STK3: variants seen among roughly 807,000 people sequenced by gnomAD.
The protein encoded by STK3 is serine/threonine-protein kinase 3.
STK3 carries 41 observed loss-of-function variants against 58.0 expected under a neutral mutation model. That is an observed-to-expected ratio of 0.71 (90% CI 0.55 to 0.92). STK3 has a LOEUF of 0.92. Ranked by LOEUF, STK3 falls within the 40% of genes least tolerant of loss-of-function variation. STK3 has a pLI of 0.00. For missense variants in STK3, 479 were observed against 602.7 expected, an observed-to-expected ratio of 0.79 and a Z score of 2.15; for synonymous variants, 170 against 191.0, an observed-to-expected ratio of 0.89 and a Z score of 0.91.
chr8:98,505,257 T>C (rs1410573304), intron 10 of STK3, among the ~76,000 whole-genome samples: 1 of 152,212 alleles, frequency 6.6e-6, no homozygotes, highest in Non-Finnish European at 1.5e-5. Context: ...ATTTAAGGTC[T>C]TCTCTACATG....
chr8:98,589,460 G>C (rs182506555), intron 7 of STK3, among the ~76,000 whole-genome samples: 1 of 152,352 alleles, frequency 6.6e-6, no homozygotes, highest in African/African-American at 2.4e-5. Flanking sequence ...CCCCTTCTCA[G>C]ATCTCCAGCT....
chr8:98,891,838 T>G (rs528637733), intron 1 of STK3, among the ~76,000 whole-genome samples: 3 of 152,056 alleles, frequency 2.0e-5, no homozygotes, highest in African/African-American at 7.2e-5. Context: ...TGGACTCAAG[T>G]CATCATCTAT....
chr8:98,746,149 C>T (rs1829626585), intron 4 of STK3, among the ~76,000 whole-genome samples: 1 of 152,100 alleles, frequency 6.6e-6, no homozygotes, highest in Non-Finnish European at 1.5e-5. Flanking sequence ...ATCTCTAACC[C>T]CAATTGAATT....
chr8:98,825,553 C>T lies in STK3; in HGVS notation c.-13G>A. The stretch of plus-strand genomic sequence containing the variant: ...GCGGCTGCTCCATGGCGGCCGGGGA[C>T]AGAGAGAGGGACCTGGTGGACGGCG... On this transcript the variant is annotated 5_prime_UTR_variant, in exon 1 of 11. Coordinates refer to ENST00000419617, the MANE Select transcript of STK3 (RefSeq NM_006281.4). The T allele has an allele frequency of 2.1e-6, 3 of 1,455,718 alleles. No individual in the cohort carries two copies. The highest frequency in any genetic ancestry group is 3.1e-5 in the East Asian group (1 of 32,074). 90.2% of individuals were successfully genotyped at this position (1,455,718 alleles called of 1,614,324 possible). A position where few individuals can be genotyped will look rare whatever the true frequency, so the allele number is the denominator to read the frequency against.
chr8:98,751,724 G>A (rs986253448), intron 3 of STK3, among the ~76,000 whole-genome samples: 9 of 152,182 alleles, frequency 5.9e-5, no homozygotes, highest in African/African-American at 1.4e-4. Flanking sequence ...AGGATCACTT[G>A]AGGTCAGGAG....
upstream of STK3, chr8:98,391,374 C>T (rs1005134309): frequency 2.0e-5 from 3 of 152,056 alleles, no homozygotes; most frequent in Non-Finnish European, 4.4e-5. Context: ...TAGTGTTTCT[C>T]TGCTGTTGGG....
intron 1 of STK3, among the ~76,000 whole-genome samples, chr8:98,792,007 A>G (rs1253346058): frequency 6.6e-6 from 1 of 152,264 alleles, no homozygotes; most frequent in African/African-American, 2.4e-5. Context: ...AAGAACGGTC[A>G]GCAGAGTAAA....
At chr8:98,517,361 C>G (rs369983348) in intron 10 of STK3, among the ~76,000 whole-genome samples, 1 of 151,944 alleles carries the variant, frequency 6.6e-6, no homozygotes, top group African/African-American at 2.4e-5. Flanking sequence ...CTAATGAGGG[C>G]TTTCTATTTT....
intron 3 of STK3, among the ~76,000 whole-genome samples, chr8:98,831,433 T>C (rs1190254912): frequency 6.6e-6 from 1 of 152,090 alleles, no homozygotes; most frequent in Non-Finnish European, 1.5e-5. Flanking sequence ...TACTTTTGAG[T>C]TTTGTAGAAA....
intron 10 of STK3, among the ~76,000 whole-genome samples, chr8:98,523,500 A>G (rs1354995136): frequency 6.7e-6 from 1 of 150,174 alleles, no homozygotes; most frequent in African/African-American, 2.5e-5. Flanking sequence ...TCAGCCTCCC[A>G]AGTAGCTGGA....
chr8:98,650,930 G>C (rs1278250776), intron 6 of STK3, among the ~76,000 whole-genome samples: 1 of 152,222 alleles, frequency 6.6e-6, no homozygotes, highest in Non-Finnish European at 1.5e-5. Context: ...CAAACAAAAA[G>C]ACAGCAGTAA....
chr8:98,624,573 C>T (rs896654916), intron 6 of STK3, among the ~76,000 whole-genome samples: 1 of 151,994 alleles, frequency 6.6e-6, no homozygotes, highest in African/African-American at 2.4e-5. Flanking sequence ...GTGGTTCAGC[C>T]GGGTGCGGTA....
chr8:98,654,850 C>G (rs11779885), intron 6 of STK3, among the ~76,000 whole-genome samples: 50,960 of 151,554 alleles, frequency 0.34, 8,867 homozygotes, highest in Admixed American at 0.44. Context: ...CAAACAAATG[C>G]AAGAACATTC....
intron 6 of STK3, among the ~76,000 whole-genome samples, chr8:98,653,991 G>A (rs1821227451): frequency 6.6e-6 from 1 of 152,196 alleles, no homozygotes; most frequent in South Asian, 2.1e-4. Flanking sequence ...TATGAGGCCA[G>A]CATCATCCTG....
intron 3 of STK3, among the ~76,000 whole-genome samples, chr8:98,417,649 C>A (rs1818130156): frequency 6.6e-6 from 1 of 152,174 alleles, no homozygotes; most frequent in Admixed American, 6.5e-5. Flanking sequence ...CCTGTTTCCC[C>A]CTCAGATCAT....
intron 1 of STK3, among the ~76,000 whole-genome samples, chr8:98,939,847 G>A (rs1229304849): frequency 6.6e-6 from 1 of 152,236 alleles, no homozygotes; most frequent in African/African-American, 2.4e-5. Context: ...GGCGGTTGGG[G>A]CCTTCCCAGA....
At chr8:98,614,320 A>C (rs1354225397) in intron 6 of STK3, among the ~76,000 whole-genome samples, 1 of 152,148 alleles carries the variant, frequency 6.6e-6, no homozygotes, top group East Asian at 1.9e-4. Context: ...TGAACAGAGT[A>C]GAGTCTCCAA....
chr8:98,797,127 A>G (rs1339188405), intron 1 of STK3, among the ~76,000 whole-genome samples: 1 of 152,206 alleles, frequency 6.6e-6, no homozygotes, highest in Non-Finnish European at 1.5e-5. Flanking sequence ...TTTCATCTAC[A>G]TTGAAACTCT....
downstream of STK3, chr8:98,883,373 C>T (rs190388814): frequency 2.9e-6 from 1 of 340,180 alleles, no homozygotes; most frequent in Admixed American, 3.9e-5. Context: ...CCATTCATCA[C>T]ATTACTTATG....
Sources: allele counts gnomAD v4.1 joint callset (sites outside exome capture counted in the v4.1 genomes callset), GRCh38; gene constraint gnomAD v4.1.1; transcripts MANE v1.5; gene names NCBI Gene and HGNC (gene_info 2026-07-23, HGNC 2026-07-21).